Variants in BMERB1 observed in about 807,000 individuals in gnomAD.
BMERB1 encodes the protein bMERB domain-containing protein 1.
A neutral mutation model predicts 23.6 loss-of-function variants in BMERB1; 12 were observed. The observed-to-expected ratio is 0.51, with a 90% CI of 0.33 to 0.82. The LOEUF is 0.82. Ranked by LOEUF, BMERB1 falls within the 40% of genes least tolerant of loss-of-function variation. BMERB1 has a pLI of 0.03. For missense variants in BMERB1, 247 were observed against 255.4 expected, an observed-to-expected ratio of 0.97 and a Z score of 0.22; for synonymous variants, 122 against 96.6, an observed-to-expected ratio of 1.26 and a Z score of -1.54.
intron 1 of BMERB1, among the ~76,000 whole-genome samples, chr16:15,513,546 C>T (rs140539333): frequency 3.9e-5 from 6 of 152,260 alleles, no homozygotes; most frequent in East Asian, 1.9e-4. Flanking sequence ...TACATTCACA[C>T]GCATATATAT....
In BMERB1 at chr16:15,588,039, A is replaced by T. The variant is rs1276484673; in HGVS notation, c.*1210A>T. ...ATAGTAAATCATTTTAAAAGTACAA[A>T]AAGTATGAAGAAGTTTGTCTTAAAA... On this transcript the variant is annotated 3_prime_UTR_variant, in exon 6 of 6. Coordinates refer to ENST00000300006, the MANE Select transcript of BMERB1 (RefSeq NM_033201.3). The T allele has an allele frequency of 1.4e-5, 2 of 140,672 alleles. No individual in the cohort carries two copies. The highest frequency in any genetic ancestry group is 3.0e-5 in the Non-Finnish European group (2 of 66,192). The allele number at this position is 140,672 out of a possible 1,614,324, so 8.7% of individuals were successfully genotyped here.
chr16:15,453,920 A>G (rs1243392308), intron 1 of BMERB1, among the ~76,000 whole-genome samples: 1 of 152,048 alleles, frequency 6.6e-6, no homozygotes, highest in East Asian at 1.9e-4. Context: ...ACCAACCTCC[A>G]ATAACCACTG....
chr16:15,485,615 T>C (rs932616361), intron 1 of BMERB1, among the ~76,000 whole-genome samples: 4 of 152,066 alleles, frequency 2.6e-5, no homozygotes, highest in African/African-American at 9.7e-5. Flanking sequence ...TCTGAGACAC[T>C]ATTTCCCCGA....
chr16:15,563,210 T>C (rs1378269957), intron 2 of BMERB1, among the ~76,000 whole-genome samples: 1 of 152,152 alleles, frequency 6.6e-6, no homozygotes, highest in Non-Finnish European at 1.5e-5. Context: ...GGTGTAACTC[T>C]ATCTCTATTA....
chr16:15,490,489 C>T (rs1176177972), intron 1 of BMERB1, among the ~76,000 whole-genome samples: 2 of 152,138 alleles, frequency 1.3e-5, no homozygotes, highest in Non-Finnish European at 2.9e-5. Context: ...TGCTATGTTG[C>T]CCAGGCTGAT....
At chr16:15,479,999 C>CAT (rs201686556) in intron 1 of BMERB1, among the ~76,000 whole-genome samples, 10,286 of 145,148 alleles carry the variant, frequency 0.071, 1,148 homozygotes, top group African/African-American at 0.24. Context: ...ATATAGTTTT[C>CAT]ATATATATAT....
In BMERB1 at chr16:15,562,757, G is replaced by A. The variant is rs138964953; in HGVS notation, c.231-5226G>A. ...GATGTAGCCTGATCTCTGCAAAAGC[G>A]TCTGGAGTCTCTCCAGTTGAACGAT... On this transcript the variant is annotated intron_variant, in intron 2 of 5. Coordinates refer to ENST00000300006, the MANE Select transcript of BMERB1 (RefSeq NM_033201.3). Among the ~76,000 whole-genome samples the A allele has an allele frequency of 2.4e-3, 366 of 152,326 alleles. 1 individual carries two copies. Among genetic ancestry groups the A allele is most frequent in the African/African-American group, 8.5e-3 (353 of 41,580 alleles).
chr16:15,545,932 T>TA (rs2029896491), intron 2 of BMERB1, among the ~76,000 whole-genome samples: 1 of 152,108 alleles, frequency 6.6e-6, no homozygotes, highest in African/African-American at 2.4e-5. Flanking sequence ...AGGTAGTCTG[T>TA]AAACAGCCTT....
At chr16:15,487,657 G>C (rs946954007) in intron 1 of BMERB1, among the ~76,000 whole-genome samples, 8 of 152,148 alleles carry the variant, frequency 5.3e-5, no homozygotes. Flanking sequence ...ACAGCAGCTT[G>C]GACTGCTCAA....
At chr16:15,450,714 A>C (rs1055801709) in intron 1 of BMERB1, among the ~76,000 whole-genome samples, 4 of 152,054 alleles carry the variant, frequency 2.6e-5, no homozygotes, top group Admixed American at 6.6e-5. Context: ...CACAGGATTC[A>C]TCTGCCTCAG....
chr16:15,530,363 C>A (rs1186336878), intron 2 of BMERB1, among the ~76,000 whole-genome samples: 1 of 152,186 alleles, frequency 6.6e-6, no homozygotes, highest in Non-Finnish European at 1.5e-5. Flanking sequence ...ATGATCTCCC[C>A]ATCTCAGGAC....
intron 3 of BMERB1, among the ~76,000 whole-genome samples, chr16:15,576,944 A>C (rs1028952342): frequency 6.6e-6 from 1 of 152,196 alleles, no homozygotes; most frequent in Non-Finnish European, 1.5e-5. Context: ...GGCCTGTGGC[A>C]GACTGCACCA....
At chr16:15,524,889 TC>T (rs2051891636) in intron 2 of BMERB1, among the ~76,000 whole-genome samples, 1 of 152,176 alleles carries the variant, frequency 6.6e-6, no homozygotes, top group Non-Finnish European at 1.5e-5. Context: ...AGTTCCGTCT[TC>T]CTAGAACTGT....
At chr16:15,552,167 C>T (rs185100258) in intron 2 of BMERB1, among the ~76,000 whole-genome samples, 21 of 152,060 alleles carry the variant, frequency 1.4e-4, no homozygotes, top group African/African-American at 3.9e-4. Flanking sequence ...CAAGTGGACG[C>T]GGTGGCTCAC....
At chr16:15,512,541 TC>T (rs762168011) in intron 1 of BMERB1, among the ~76,000 whole-genome samples, 1 of 151,718 alleles carries the variant, frequency 6.6e-6, no homozygotes, top group Non-Finnish European at 1.5e-5. Context: ...GGCCAGAAGT[TC>T]CAGACCAGTC....
At chr16:15,463,284 G>A (rs1181122928) in intron 1 of BMERB1, among the ~76,000 whole-genome samples, 2 of 148,698 alleles carry the variant, frequency 1.3e-5, no homozygotes, top group Non-Finnish European at 2.9e-5. Flanking sequence ...GTAGAGGCGG[G>A]GATCTCACTA....
At chr16:15,477,830 T>C (rs1485582983) in intron 1 of BMERB1, among the ~76,000 whole-genome samples, 1 of 151,780 alleles carries the variant, frequency 6.6e-6, no homozygotes, top group Non-Finnish European at 1.5e-5. Flanking sequence ...CTGCCACGAG[T>C]GCCCAAAGTC....
At chr16:15,455,626 A>C (rs931946048) in intron 1 of BMERB1, among the ~76,000 whole-genome samples, 19 of 151,760 alleles carry the variant, frequency 1.3e-4, no homozygotes, top group Admixed American at 2.0e-4. Flanking sequence ...ACACCTGGAT[A>C]ATTTTGTATT....
intron 1 of BMERB1, among the ~76,000 whole-genome samples, chr16:15,443,849 G>T (rs900296787): frequency 1.3e-5 from 2 of 151,926 alleles, no homozygotes; most frequent in Non-Finnish European, 1.5e-5. Flanking sequence ...CACCCTGGAG[G>T]TAGAGGTTGC....
Sources: allele counts gnomAD v4.1 joint callset (sites outside exome capture counted in the v4.1 genomes callset), GRCh38; gene constraint gnomAD v4.1.1; transcripts MANE v1.5; gene names NCBI Gene and HGNC (gene_info 2026-07-23, HGNC 2026-07-21).